The following DLEC1 variants were observed in gnomAD, a reference collection of about 807,000 sequenced individuals.
The protein encoded by DLEC1 is deleted in lung and esophageal cancer protein 1.
In DLEC1, 146 loss-of-function variants were observed where a neutral mutation model predicts 198.1. The ratio of observed to expected loss-of-function variants is 0.74; its 90% CI spans 0.64 to 0.85. The LOEUF (loss-of-function observed/expected upper bound fraction) is 0.85. Ranked by LOEUF, DLEC1 falls within the 40% of genes least tolerant of loss-of-function variation. DLEC1 has a pLI of 0.00. For synonymous variants in DLEC1, 897 were observed against 866.8 expected, an observed-to-expected ratio of 1.03 and a Z score of -0.61; for missense variants, 2,233 against 2,220.0, an observed-to-expected ratio of 1.01 and a Z score of -0.12.
rs777039636 is a variant in DLEC1, at chr3:38,112,265, T to C, written c.3570T>C (p.Phe1190=). 3 of 1,614,186 alleles carry C rather than the reference T, an allele frequency of 1.9e-6. No homozygotes were observed. The Admixed American group carries it at 5.0e-5, about 27-fold the overall frequency. The stretch of plus-strand genomic sequence containing the variant: ...AAGGAGCTGCTTTCTTCCCTCACTT[T>C]TCCCAGGGCATGCTGGGGCCCTACC... ...HGKGAAFFPH[F]SQGMLGPYQQ... Residue 1190 remains phenylalanine, a synonymous_variant, in exon 25 of 37, where the codon TTT becomes TTC. Coordinates refer to ENST00000308059, the MANE Select transcript of DLEC1 (RefSeq NM_007335.4). This position sits in a 1 kb window ranked among gnomAD's most constrained non-coding sequence, Gnocchi z 4.8.
chr3:38,039,708 C>G, intron 1 of DLEC1, 72 bp downstream of exon 1: 3 of 1,504,436 alleles, frequency 2.0e-6, no homozygotes, highest in South Asian at 2.7e-5. Context: ...CAGCACCTGC[C>G]AGGTGCCAGG....
At position 38,109,561 on chromosome 3, in the gene DLEC1, A is replaced by C. The variant is rs1369007027; in HGVS notation, c.3259A>C (p.Ser1087Arg). The change falls in exon 22 of 37, where the codon AGC becomes CGC. Residue 1087 changes from serine to arginine, a missense_variant and splice_region_variant. Coordinates refer to ENST00000308059, the MANE Select transcript of DLEC1 (RefSeq NM_007335.4). ...ITISKESSDC[S>R]TEQWPGHPKE... is the part of the protein sequence containing the mutation. ...CATCTCTAAGGAGAGCTCTGATTGC[A>C]GGTGAGCCCAGGGTTGGTGGTCTGG... 1.2e-6 allele frequency: 2 copies of C among 1,614,156 alleles called. No individual in the cohort carries two copies. Among genetic ancestry groups the C allele is most frequent in the Non-Finnish European group, 1.7e-6 (2 of 1,179,996 alleles).
chr3:38,081,521 G>A (rs1157207215), intron 6 of DLEC1, among the ~76,000 whole-genome samples: 4 of 98,980 alleles, frequency 4.0e-5, no homozygotes, highest in South Asian at 6.0e-4. Flanking sequence ...AGGGGCGGCC[G>A]GGCAGAGGCG....
In DLEC1 at chr3:38,097,232, C is replaced by T. The variant is rs368935866; in HGVS notation, c.2391C>T (p.Ser797=). Residue 797 remains serine, a synonymous_variant, in exon 16 of 37, where the codon AGC becomes AGT. Transcript: ENST00000308059. ...TCAGATACCTGTGGGGGAAGATCAG[C>T]GACTGCCACATCATTGAAGTGGAGC... ...SPIRYLWGKI[S]DCHIIEVEPG... is the part of the protein sequence containing the mutation. 28 of 1,587,464 alleles carry T rather than the reference C, an allele frequency of 1.8e-5. No homozygotes were observed. The highest frequency in any genetic ancestry group is 2.3e-5 in the Non-Finnish European group (27 of 1,165,794).
Position 38,039,291 on chromosome 3 carries a change from A to G in DLEC1, c.66A>G (p.Thr22=), listed in dbSNP as rs761706648. The change falls in exon 1 of 37, where the codon ACA becomes ACG. Residue 22 remains threonine, a synonymous_variant. Transcript: ENST00000308059. The part of the protein sequence containing the change: ...LASRTNECQG[T]MWAPTSPPAG... ...CCCGGACCAACGAGTGCCAGGGGAC[A>G]ATGTGGGCGCCAACTTCGCCACCAG... The G allele has an allele frequency of 2.5e-6, 4 of 1,614,072 alleles. No homozygotes were observed. The highest frequency in any genetic ancestry group is 2.7e-5 in the African/African-American group (2 of 74,936).
intron 10 of DLEC1, among the ~76,000 whole-genome samples, chr3:38,088,825 C>A (rs1050041741): frequency 2.6e-5 from 4 of 152,110 alleles, no homozygotes; most frequent in Admixed American, 1.3e-4. Context: ...AGGCCCAACT[C>A]CGTTACGCCT....
chr3:38,078,205 A>T (rs1697744357), intron 6 of DLEC1, among the ~76,000 whole-genome samples: 2 of 152,170 alleles, frequency 1.3e-5, no homozygotes, highest in Admixed American at 1.3e-4. Context: ...CTTAACAAAG[A>T]GTGAGTACAG....
intron 26 of DLEC1, 101 bp downstream of exon 26, chr3:38,114,561 C>T (rs1700052903): frequency 1.6e-6 from 2 of 1,225,348 alleles, no homozygotes; most frequent in African/African-American, 1.5e-5. Context: ...CTCCAGCTGG[C>T]CTAGGGCCAT....
intron 27 of DLEC1, 130 bp downstream of exon 27, chr3:38,115,183 G>A (rs1408630088): frequency 2.1e-6 from 2 of 944,504 alleles, no homozygotes; most frequent in East Asian, 2.6e-5. Flanking sequence ...GGGGCCTGTG[G>A]TTACGGAAGT....
At chr3:38,101,002 A>C (rs1341047718) in intron 19 of DLEC1, among the ~76,000 whole-genome samples, 1 of 151,934 alleles carries the variant, frequency 6.6e-6, no homozygotes. Flanking sequence ...CTTTCTTTCT[A>C]GTGGAAAACT....
intron 6 of DLEC1, among the ~76,000 whole-genome samples, chr3:38,082,397 G>C (rs1305999139): frequency 1.3e-5 from 2 of 150,934 alleles, no homozygotes; most frequent in Non-Finnish European, 3.0e-5. Flanking sequence ...ACGGGGTGGC[G>C]GCCGGGCAGA....
At chr3:38,056,177 C>CACCTGAGCT (rs1301307462) in intron 2 of DLEC1, among the ~76,000 whole-genome samples, 4 of 151,830 alleles carry the variant, frequency 2.6e-5, no homozygotes, top group Non-Finnish European at 5.9e-5. Flanking sequence ...ATGGGAGGAT[C>CACCTGAGCT]ACCTGAGCTA....
In DLEC1 at chr3:38,112,078, G is replaced by A; in HGVS notation, c.3515-132G>A. ...TGGATTCCAGGCTCCCAGGAGGAGG[G>A]CACATGTAGCCTGACCAAGGAGAGG... On this transcript the variant is annotated intron_variant, in intron 24 of 36. Coordinates refer to ENST00000308059, the MANE Select transcript of DLEC1 (RefSeq NM_007335.4). This position sits in a 1 kb window ranked among gnomAD's most constrained non-coding sequence, Gnocchi z 4.8. The A allele has an allele frequency of 2.2e-6, 3 of 1,392,848 alleles. No homozygotes were observed. Among genetic ancestry groups the A allele is most frequent in the Non-Finnish European group, 3.0e-6 (3 of 1,008,760 alleles). 86.3% of individuals were successfully genotyped at this position (1,392,848 alleles called of 1,614,324 possible). A position where few individuals can be genotyped will look rare whatever the true frequency, so the allele number is the denominator to read the frequency against.
intron 16 of DLEC1, 96 bp from the exon 17 acceptor site, chr3:38,097,411 A>G: frequency 6.3e-7 from 1 of 1,576,856 alleles, no homozygotes; most frequent in Non-Finnish European, 8.6e-7. Flanking sequence ...TGTGAGGGAG[A>G]TGAGAAGTCT....
chr3:38,087,144 T>G (rs190002072), intron 9 of DLEC1, among the ~76,000 whole-genome samples: 213 of 152,116 alleles, frequency 1.4e-3, no homozygotes, highest in Non-Finnish European at 2.2e-3. Flanking sequence ...CTGGAAGATA[T>G]GAAGGCCAGG....
intron 2 of DLEC1, among the ~76,000 whole-genome samples, chr3:38,058,465 A>G (rs1696500035): frequency 6.6e-6 from 1 of 152,174 alleles, no homozygotes; most frequent in Non-Finnish European, 1.5e-5. Flanking sequence ...CAGTGTGGAA[A>G]TGCCCACTCC....
chr3:38,110,823 C>G (rs1699830945), intron 23 of DLEC1, among the ~76,000 whole-genome samples: 1 of 152,142 alleles, frequency 6.6e-6, no homozygotes. Flanking sequence ...TACACACATA[C>G]ATATACACAT....
At chr3:38,062,423 GGGGAA>G (rs1198871698) in intron 4 of DLEC1, 55 bp downstream of exon 4, 1 of 1,606,310 alleles carries the variant, frequency 6.2e-7, no homozygotes, top group Non-Finnish European at 8.5e-7. Flanking sequence ...AGGCAGTGAA[GGGGAA>G]GGCATTCAGA....
chr3:38,049,882 C>T (rs934191682), intron 2 of DLEC1, among the ~76,000 whole-genome samples: 1 of 152,080 alleles, frequency 6.6e-6, no homozygotes, highest in Admixed American at 6.6e-5. Flanking sequence ...TTACCGCCTG[C>T]TAAAGTCTCT....
Sources: gnomAD v4.1 joint callset for allele counts (sites outside exome capture counted in the v4.1 genomes callset) on GRCh38, gnomAD v4.1.1 for gene constraint, Gnocchi (gnomAD v3.1) non-coding constraint, MANE v1.5 for transcripts, NCBI Gene and HGNC (gene_info 2026-07-23, HGNC 2026-07-21) for gene names.